SRPRA: variants seen among roughly 807,000 people sequenced by gnomAD.
The protein encoded by SRPRA is SRP receptor subunit alpha.
A neutral mutation model predicts 61.1 loss-of-function variants in SRPRA; 30 were observed. The ratio of observed to expected loss-of-function variants is 0.49; its 90% CI spans 0.37 to 0.67. SRPRA has a LOEUF of 0.67. Ranked by LOEUF, SRPRA falls within the 30% of genes least tolerant of loss-of-function variation. The pLI, the probability that SRPRA is intolerant of heterozygous loss-of-function variation, is 0.00. For synonymous variants in SRPRA, 324 were observed against 299.7 expected, an observed-to-expected ratio of 1.08 and a Z score of -0.84; for missense variants, 759 against 828.4, an observed-to-expected ratio of 0.92 and a Z score of 1.03.
chr11:126,248,010 G>T, the SRPRA span, among the ~76,000 whole-genome samples: 1 of 149,404 alleles, frequency 6.7e-6, no homozygotes, highest in African/African-American at 2.5e-5. Context: ...ACAAGGCGTG[G>T]TGGCACGCAC....
At chr11:126,256,099 C>T in the SRPRA span, among the ~76,000 whole-genome samples, 7 of 152,280 alleles carry the variant, frequency 4.6e-5, no homozygotes, top group South Asian at 4.1e-4. The surrounding 1 kb of genome is among the most constrained non-coding windows in gnomAD (Gnocchi z 6.6). Flanking sequence ...GGCAAAACCC[C>T]GTCTCTACTA....
rs1440784505 is a variant in SRPRA, at chr11:126,265,461, G to A, written c.1139-21C>T. 1 of 1,601,334 alleles carries A rather than the reference G, an allele frequency of 6.2e-7. No individual in the cohort carries two copies. Among genetic ancestry groups the A allele is most frequent in the South Asian group, 1.1e-5 (1 of 90,258 alleles). On this transcript the variant is annotated intron_variant, in intron 9 of 13. Coordinates refer to ENST00000332118, the MANE Select transcript of SRPRA (RefSeq NM_003139.4). This position sits in a 1 kb window ranked among gnomAD's most constrained non-coding sequence, Gnocchi z 6.3. ...CACCGCTGAAAGGGGAGGTGGAGGA[G>A]GTTGCAGCTGTGAAACTCAAGGAAT...
At chr11:126,258,586 G>C (rs1453405996), downstream of SRPRA, among the ~76,000 whole-genome samples, 2 of 152,126 alleles carry the variant, frequency 1.3e-5, no homozygotes, top group Non-Finnish European at 2.9e-5. Context: ...TCTCATTTGT[G>C]AAAACTATTT....
the SRPRA span, chr11:126,240,900 G>C: frequency 6.2e-7 from 1 of 1,614,204 alleles, no homozygotes; most frequent in Non-Finnish European, 8.5e-7. Flanking sequence ...TCAAATCCTG[G>C]AAGGGGTTAA....
rs1282549836 is a variant in SRPRA, at chr11:126,267,643, G to C, written c.271C>G (p.Arg91Gly). ...TGGATCTCTGTGCGGTACTTGTCCC[G>C]AAACAGCCGATGCACGTCATCTATC... is the stretch of plus-strand genomic sequence containing the variant. ...KLIDDVHRLF[R>G]DKYRTEIQQQ... The change falls in exon 3 of 14, where the codon CGG (arginine) becomes GGG (glycine). Residue 91 changes from arginine to glycine, a missense_variant. Arg to Gly is a moderately radical substitution (Grantham distance 125). Transcript: ENST00000332118. The surrounding 1 kb of genome is among the most constrained non-coding windows in gnomAD (Gnocchi z 4.2). The C allele has an allele frequency of 4.3e-6, 7 of 1,613,996 alleles. No homozygotes were observed. The Admixed American group carries it at 1.0e-4, about 23-fold the overall frequency.
chr11:126,247,063 C>G, the SRPRA span, among the ~76,000 whole-genome samples: 1 of 152,166 alleles, frequency 6.6e-6, no homozygotes, highest in African/African-American at 2.4e-5. Flanking sequence ...GAGGCTGAGG[C>G]AAGAGGATCA....
the SRPRA span, chr11:126,240,669 T>C: frequency 1.0e-6 from 1 of 976,084 alleles, no homozygotes; most frequent in Non-Finnish European, 1.5e-6. Flanking sequence ...TGTCAAAAAC[T>C]GCTGTTCATC....
the SRPRA span, chr11:126,240,971 A>T: frequency 6.2e-7 from 1 of 1,614,142 alleles, no homozygotes; most frequent in Non-Finnish European, 8.5e-7. Flanking sequence ...GAGAGCAAAA[A>T]GTTTCAGAAA....
In SRPRA at chr11:126,267,837, G is replaced by T; in HGVS notation, c.202-125C>A. On this transcript the variant is annotated intron_variant, in intron 2 of 13. Transcript: ENST00000332118. This position sits in a 1 kb window ranked among gnomAD's most constrained non-coding sequence, Gnocchi z 4.2. The stretch of plus-strand genomic sequence containing the variant: ...CTGGCCGGTTTCCCTGTCCTGAGAG[G>T]CAGCCAAGCTCCCTGCCTGGGCCCA... 1 of 1,447,282 alleles carries T rather than the reference G, an allele frequency of 6.9e-7. No homozygotes were observed. The highest frequency in any genetic ancestry group is 2.3e-5 in the East Asian group (1 of 43,714). The allele number at this position is 1,447,282 out of a possible 1,614,324, so 89.7% of individuals were successfully genotyped here.
rs551769181 is a variant in SRPRA at position 126,266,289 on chromosome 11, C to A, written c.841-11G>T. 2 of 1,613,442 alleles carry A rather than the reference C, an allele frequency of 1.2e-6. No homozygotes were observed. The highest frequency in any genetic ancestry group is 1.1e-5 in the South Asian group (1 of 91,072). On this transcript the variant is annotated splice_polypyrimidine_tract_variant and intron_variant, in intron 6 of 13. Transcript: ENST00000332118. ...CCCAGTCCCTCGAATCTGGAAGATA[C>A]GGGGAAAGGATGTGGGGTCAGGAAC...
rs760045774 is a variant in SRPRA at position 126,266,623 on chromosome 11, G to A, written c.693C>T (p.Ser231=). 6.2e-7 allele frequency: 1 copy of A among 1,613,746 alleles called. No individual in the cohort carries two copies. Among genetic ancestry groups the A allele is most frequent in the Admixed American group, 1.7e-5 (1 of 59,974 alleles). The change falls in exon 6 of 14, where the codon TCC becomes TCT. Residue 231 remains serine, a synonymous_variant. Coordinates refer to ENST00000332118, the MANE Select transcript of SRPRA (RefSeq NM_003139.4). ...HGRGMEKSNK[S]TKSDAPKEKG... is the part of the protein sequence containing the mutation. ...TCTCCTTTGGAGCATCTGACTTCGTGGACTTGCTGCAACAGGTTATGATAC... is the reference window on the plus strand; with the variant it reads ...TCTCCTTTGGAGCATCTGACTTCGTAGACTTGCTGCAACAGGTTATGATAC...
chr11:126,241,138 A>G, the SRPRA span: 4 of 1,278,304 alleles, frequency 3.1e-6, no homozygotes, highest in Admixed American at 9.2e-5. Context: ...AGCATGCCAA[A>G]TGTAACAGGG....
chr11:126,267,818 G>T lies in SRPRA; in HGVS notation c.202-106C>A. ...CAGAGATAGGTTCAGCTACCTGGCCGGTTTCCCTGTCCTGAGAGGCAGCCA... is the reference window on the plus strand; with the variant it reads ...CAGAGATAGGTTCAGCTACCTGGCCTGTTTCCCTGTCCTGAGAGGCAGCCA... On this transcript the variant is annotated intron_variant, in intron 2 of 13. Transcript: ENST00000332118. This position sits in a 1 kb window ranked among gnomAD's most constrained non-coding sequence, Gnocchi z 4.2. The T allele has an allele frequency of 6.6e-7, 1 of 1,512,298 alleles. No individual in the cohort carries two copies. Among genetic ancestry groups the T allele is most frequent in the Non-Finnish European group, 9.0e-7 (1 of 1,107,636 alleles). The allele number at this position is 1,512,298 out of a possible 1,614,324, so 93.7% of individuals were successfully genotyped here.
Position 126,265,011 on chromosome 11 carries a change from T to A in SRPRA, c.1473A>T (p.Glu491Asp). The A allele has an allele frequency of 6.2e-7, 1 of 1,614,178 alleles. No individual in the cohort carries two copies. The highest frequency in any genetic ancestry group is 2.2e-5 in the East Asian group (1 of 44,866). Residue 491 changes from glutamate to aspartate, a missense_variant, in exon 11 of 14, where the codon GAA becomes GAT. Glu to Asp is a conservative substitution (Grantham distance 45, BLOSUM62 2). This residue lies in a region of SRPRA where 284 missense variants were observed against 365.9 expected (regional missense o/e 0.78). Transcript: ENST00000332118. This position sits in a 1 kb window ranked among gnomAD's most constrained non-coding sequence, Gnocchi z 6.3. Reference sequence around the variant, plus strand: ...CAGCAGCATCCTTGCCATAGCCCTTTTCAAACAACTGCACCATGGTGCGGC... The same window carrying A: ...CAGCAGCATCCTTGCCATAGCCCTTATCAAACAACTGCACCATGGTGCGGC... ...HGGRTMVQLFEKGYGKDAAGI... is the reference protein window; with the variant it reads ...HGGRTMVQLFDKGYGKDAAGI...
In SRPRA at chr11:126,266,411, G is replaced by A. The variant is rs576164827; in HGVS notation, c.840+65C>T. 83 of 1,596,178 alleles carry A rather than the reference G, an allele frequency of 5.2e-5. No individual in the cohort carries two copies. In the Middle Eastern group the frequency reaches 5.6e-4, roughly 11 times the overall value. On this transcript the variant is annotated intron_variant, in intron 6 of 13. Coordinates refer to ENST00000332118, the MANE Select transcript of SRPRA (RefSeq NM_003139.4). ...CCCCTCATTCAAATCCCAGTATCAC[G>A]TTCCCACACTCTACTTCCTCCCAAT...
chr11:126,262,014 T>C (rs1950711306), downstream of SRPRA: 4 of 1,009,058 alleles, frequency 4.0e-6, no homozygotes, highest in African/African-American at 1.6e-5. Flanking sequence ...TAGAATCTCC[T>C]GTCTTGCCTT....
the SRPRA span, among the ~76,000 whole-genome samples, chr11:126,254,049 T>C: frequency 6.6e-6 from 1 of 152,248 alleles, no homozygotes; most frequent in Non-Finnish European, 1.5e-5. Context: ...CCCTGTTGTT[T>C]CTGCAAATTA....
the SRPRA span, among the ~76,000 whole-genome samples, chr11:126,245,953 G>A: frequency 2.7e-5 from 4 of 149,404 alleles, no homozygotes; most frequent in South Asian, 2.1e-4. Context: ...CCGAGATAGC[G>A]CCATTGCACT....
At chr11:126,240,185 CT>C in the SRPRA span, among the ~76,000 whole-genome samples, 1 of 151,828 alleles carries the variant, frequency 6.6e-6, no homozygotes, top group Non-Finnish European at 1.5e-5. Context: ...ATGTTTTTCA[CT>C]TTTTGTCATG....
Sources: allele counts gnomAD v4.1 joint callset (sites outside exome capture counted in the v4.1 genomes callset), GRCh38; gene constraint gnomAD v4.1.1; regional missense constraint gnomAD v4.1.1; non-coding constraint Gnocchi (gnomAD v3.1); transcripts MANE v1.5; gene names NCBI Gene and HGNC (gene_info 2026-07-23, HGNC 2026-07-21).